The following SLC38A8 variants were observed in gnomAD, a reference collection of about 807,000 sequenced individuals.
The protein encoded by SLC38A8 is solute carrier family 38 member 8, also known as amino acid transporter SLC38A8.
Under a neutral mutation model 46.0 loss-of-function variants are expected in SLC38A8, and 65 were observed. The ratio of observed to expected loss-of-function variants is 1.41; its 90% CI spans 1.16 to 1.74. The LOEUF is 1.74. SLC38A8 is among the 40% of genes most tolerant of loss of function. The pLI is 0.00. For missense variants in SLC38A8, 998 were observed against 567.9 expected, an observed-to-expected ratio of 1.76 and a Z score of -7.70; for synonymous variants, 447 against 243.7, an observed-to-expected ratio of 1.83 and a Z score of -7.77.
At chr16:84,039,265 G>A (rs115004939) in intron 2 of SLC38A8, among the ~76,000 whole-genome samples, 5 of 152,168 alleles carry the variant, frequency 3.3e-5, no homozygotes, top group African/African-American at 9.7e-5. Flanking sequence ...TAAGCCCTAC[G>A]TTTTGTGGTA....
intron 9 of SLC38A8, 69 bp from the exon 10 acceptor site, chr16:84,013,121 G>A (rs549558425): frequency 4.4e-6 from 7 of 1,591,314 alleles, no homozygotes; most frequent in African/African-American, 1.3e-5. Flanking sequence ...GGTCCCGGGA[G>A]AGGTCCTCAG....
chr16:84,034,473 G>A (rs1299260448), intron 3 of SLC38A8, among the ~76,000 whole-genome samples: 1 of 152,188 alleles, frequency 6.6e-6, no homozygotes, highest in Non-Finnish European at 1.5e-5. Flanking sequence ...GGTGGTTGGA[G>A]GTGGGAGCCA....
chr16:84,037,833 G>A (rs1015295031), intron 2 of SLC38A8, among the ~76,000 whole-genome samples: 1 of 106,050 alleles, frequency 9.4e-6, no homozygotes, highest in Admixed American at 1.0e-4. Flanking sequence ...TTTGGAGACG[G>A]AGTCTAGCTC....
intron 2 of SLC38A8, among the ~76,000 whole-genome samples, chr16:84,040,667 C>T (rs932371836): frequency 6.6e-6 from 1 of 152,228 alleles, no homozygotes; most frequent in Non-Finnish European, 1.5e-5. Flanking sequence ...CGTGCTGCCC[C>T]GTCACGTGCA....
intron 5 of SLC38A8, among the ~76,000 whole-genome samples, chr16:84,030,507 C>G (rs1431835752): frequency 6.6e-6 from 1 of 151,984 alleles, no homozygotes; most frequent in East Asian, 1.9e-4. Context: ...ACACACAGAC[C>G]TGCCCAGCTG....
intron 6 of SLC38A8, among the ~76,000 whole-genome samples, chr16:84,028,804 T>C (rs2085199830): frequency 6.6e-6 from 1 of 151,126 alleles, no homozygotes. Context: ...CTATCCCACC[T>C]GTGCTGTCCT....
At chr16:84,013,435 T>TTTTTTTTTTTTGTTG (rs2084981007) in intron 9 of SLC38A8, among the ~76,000 whole-genome samples, 5 of 130,696 alleles carry the variant, frequency 3.8e-5, no homozygotes, top group Non-Finnish European at 6.4e-5. Context: ...TTTTTTTTTT[T>TTTTTTTTTTTTGTTG]TTTTTTTTTT....
intron 3 of SLC38A8, 82 bp from the exon 4 acceptor site, chr16:84,033,551 C>T (rs1370478235): frequency 6.8e-7 from 1 of 1,473,126 alleles, no homozygotes; most frequent in South Asian, 1.4e-5. Flanking sequence ...TCAACCCTGG[C>T]TGGGGTTGGA....
At chr16:84,023,046 C>T in intron 6 of SLC38A8, among the ~76,000 whole-genome samples, 157 bp from the exon 7 acceptor site, 1 of 152,136 alleles carries the variant, frequency 6.6e-6, no homozygotes, top group East Asian at 1.9e-4. Flanking sequence ...ACAGTACACC[C>T]CCAACCCCTC....
chr16:84,028,579 A>T (rs1567698887), intron 6 of SLC38A8, among the ~76,000 whole-genome samples: 1 of 151,194 alleles, frequency 6.6e-6, no homozygotes, highest in African/African-American at 2.4e-5. Context: ...AGAAAAAAAA[A>T]AAAAGAAAGA....
rs149479204 is a variant in SLC38A8 at position 84,034,868 on chromosome 16, C to A, written c.389-1399G>T. On this transcript the variant is annotated intron_variant, in intron 3 of 10. Coordinates refer to ENST00000299709, the MANE Select transcript of SLC38A8 (RefSeq NM_001080442.3). Reference sequence around the variant, plus strand: ...CCATAGCCAGGATCCTCAGGGCCAACAGCAGGACTGTACCAGCTCCTTCCT... The same window carrying A: ...CCATAGCCAGGATCCTCAGGGCCAAAAGCAGGACTGTACCAGCTCCTTCCT... Among the ~76,000 whole-genome samples the A allele has an allele frequency of 1.8e-3, 274 of 152,192 alleles. 2 individuals carry two copies. The highest frequency in any genetic ancestry group is 6.2e-3 in the African/African-American group (257 of 41,514).
chr16:84,019,456 T>A (rs2085070645), intron 7 of SLC38A8, among the ~76,000 whole-genome samples: 1 of 152,128 alleles, frequency 6.6e-6, no homozygotes, highest in Non-Finnish European at 1.5e-5. Context: ...TCACCACAAA[T>A]GGATTAATCT....
At chr16:84,017,401 G>A (rs953284159) in intron 7 of SLC38A8, 114 bp from the exon 8 acceptor site, 3 of 1,279,268 alleles carry the variant, frequency 2.3e-6, no homozygotes, top group East Asian at 2.3e-5. Flanking sequence ...CTTAGGAGCT[G>A]AAAGAAGGTT....
At chr16:84,023,305 C>T (rs2085117395) in intron 6 of SLC38A8, among the ~76,000 whole-genome samples, 1 of 152,104 alleles carries the variant, frequency 6.6e-6, no homozygotes, top group Non-Finnish European at 1.5e-5. Context: ...GAAAAGGGTA[C>T]AGGAGCAGGA....
intron 5 of SLC38A8, among the ~76,000 whole-genome samples, chr16:84,030,566 C>T (rs2085225934): frequency 6.6e-6 from 1 of 152,084 alleles, no homozygotes; most frequent in Non-Finnish European, 1.5e-5. Context: ...CTTGACTGTT[C>T]CAGCCTGAGC....
Position 84,033,390 on chromosome 16 carries a change from G to A in SLC38A8, c.468C>T (p.Leu156=). ...ACAGGGGCAGGATGACCAGCACGGA[G>A]AGCAGGGGCAGGGTGAAGCGCTGGT... ...YADQRFTLPL[L]SVLVILPLSA... Residue 156 remains leucine, a synonymous_variant, in exon 4 of 11, where the codon CTC becomes CTT. Coordinates refer to ENST00000299709, the MANE Select transcript of SLC38A8 (RefSeq NM_001080442.3). The A allele has an allele frequency of 6.2e-7, 1 of 1,614,050 alleles. No individual in the cohort carries two copies. Among genetic ancestry groups the A allele is most frequent in the African/African-American group, 1.3e-5 (1 of 75,060 alleles).
chr16:84,021,310 C>A (rs1345863260), intron 7 of SLC38A8, among the ~76,000 whole-genome samples: 1 of 152,212 alleles, frequency 6.6e-6, no homozygotes, highest in Non-Finnish European at 1.5e-5. Flanking sequence ...AGTGATCCAC[C>A]TGCCTCGGCC....
At chr16:84,014,335 C>G (rs2084997697) in intron 9 of SLC38A8, among the ~76,000 whole-genome samples, 1 of 151,196 alleles carries the variant, frequency 6.6e-6, no homozygotes, top group African/African-American at 2.4e-5. Flanking sequence ...ACCCTCACCT[C>G]TGAAAGCCCG....
intron 7 of SLC38A8, among the ~76,000 whole-genome samples, chr16:84,017,593 C>G (rs1215070122): frequency 6.6e-6 from 1 of 152,202 alleles, no homozygotes; most frequent in African/African-American, 2.4e-5. Context: ...TTGAAAAATA[C>G]AAACACACCT....
Sources: allele counts gnomAD v4.1 joint callset (sites outside exome capture counted in the v4.1 genomes callset), GRCh38; gene constraint gnomAD v4.1.1; transcripts MANE v1.5; gene names NCBI Gene and HGNC (gene_info 2026-07-23, HGNC 2026-07-21).